The following MALRD1 variants were observed in gnomAD, a reference collection of about 807,000 sequenced individuals.
The protein encoded by MALRD1 is MAM and LDL-receptor class A domain-containing protein 1.
A neutral mutation model predicts 242.1 loss-of-function variants in MALRD1; 247 were observed. The observed-to-expected ratio is 1.02, with a 90% CI of 0.92 to 1.13. The LOEUF (loss-of-function observed/expected upper bound fraction) is 1.13, where lower values mean the gene tolerates loss of function less well. Among genes scored for constraint, MALRD1 ranks in the 50% most tolerant of loss-of-function variants. The pLI is 0.00. For missense variants in MALRD1, 2,989 were observed against 2,533.1 expected, an observed-to-expected ratio of 1.18 and a Z score of -3.86; for synonymous variants, 995 against 866.6, an observed-to-expected ratio of 1.15 and a Z score of -2.60.
intron 28 of MALRD1, among the ~76,000 whole-genome samples, chr10:19,410,375 G>A (rs1833226902): frequency 6.6e-6 from 1 of 152,072 alleles, no homozygotes; most frequent in African/African-American, 2.4e-5. Context: ...CGGTCTTCAT[G>A]AACCTCAAGT....
intron 18 of MALRD1, among the ~76,000 whole-genome samples, chr10:19,217,881 G>T (rs953359971): frequency 1.3e-5 from 2 of 152,110 alleles, no homozygotes; most frequent in Admixed American, 1.3e-4. Flanking sequence ...TGAATGCAGG[G>T]ACTATTTCCT....
chr10:19,714,654 G>C (rs568527686), intron 38 of MALRD1, among the ~76,000 whole-genome samples: 3 of 152,210 alleles, frequency 2.0e-5, no homozygotes, highest in Non-Finnish European at 2.9e-5. Context: ...CCCCCTCCCC[G>C]TATCAATGTG....
intron 8 of MALRD1, among the ~76,000 whole-genome samples, chr10:19,130,564 A>C (rs902575701): frequency 6.6e-6 from 1 of 152,176 alleles, no homozygotes; most frequent in Non-Finnish European, 1.5e-5. Flanking sequence ...TTGTATTATA[A>C]TATGGTCTAA....
chr10:19,603,575 T>C (rs908577330), intron 34 of MALRD1, among the ~76,000 whole-genome samples: 5 of 152,164 alleles, frequency 3.3e-5, no homozygotes, highest in Non-Finnish European at 5.9e-5. Context: ...GTACCAGTAC[T>C]ATGCTGTTTT....
intron 18 of MALRD1, among the ~76,000 whole-genome samples, chr10:19,225,231 A>G (rs1405998652): frequency 1.3e-5 from 2 of 152,188 alleles, no homozygotes; most frequent in African/African-American, 2.4e-5. Flanking sequence ...AAGGTTGAGA[A>G]TATTTACTGA....
chr10:19,316,785 T>C (rs1454394735), intron 21 of MALRD1, among the ~76,000 whole-genome samples: 3 of 151,686 alleles, frequency 2.0e-5, no homozygotes, highest in Admixed American at 6.6e-5. Flanking sequence ...AAGGGTAGTA[T>C]GGGGAGCAAG....
At chr10:19,280,257 C>G in intron 20 of MALRD1, 34 bp downstream of exon 20, 1 of 1,409,112 alleles carries the variant, frequency 7.1e-7, no homozygotes, top group Non-Finnish European at 9.3e-7. Flanking sequence ...TTAAATACTG[C>G]TACAAAATAG....
In MALRD1 at chr10:19,352,256, A is replaced by G. The variant is rs1248405878; in HGVS notation, c.4400A>G (p.His1467Arg). The change falls in exon 26 of 40, where the codon CAT (histidine) becomes CGT (arginine). Residue 1467 changes from histidine (H) to arginine (R), a missense_variant. Coordinates refer to ENST00000454679, the MANE Select transcript of MALRD1 (RefSeq NM_001142308.3). The stretch of plus-strand genomic sequence containing the variant: ...CTTACAGAAAATTGTCTATCACTCC[A>G]TGATTCCGTGCAAGAAGAACTGGCA... ...IVLTENCLSL[H>R]DSVQEELAVP... 11 of 1,550,250 alleles carry G rather than the reference A, an allele frequency of 7.1e-6. No homozygotes were observed. Among genetic ancestry groups the G allele is most frequent in the African/African-American group, 1.4e-5 (1 of 73,024 alleles).
chr10:19,421,531 T>G (rs1833719265), intron 28 of MALRD1, among the ~76,000 whole-genome samples: 1 of 152,170 alleles, frequency 6.6e-6, no homozygotes, highest in African/African-American at 2.4e-5. Flanking sequence ...CCCTAGATAA[T>G]TATGCCCCAG....
At chr10:19,124,236 T>A (rs1482991084) in intron 6 of MALRD1, among the ~76,000 whole-genome samples, 1 of 151,946 alleles carries the variant, frequency 6.6e-6, no homozygotes, top group Admixed American at 6.6e-5. Flanking sequence ...TAAAACATAT[T>A]GTGACTGAAG....
intron 18 of MALRD1, among the ~76,000 whole-genome samples, chr10:19,220,994 C>A (rs1837532480): frequency 1.3e-5 from 2 of 152,174 alleles, no homozygotes; most frequent in Admixed American, 6.5e-5. Flanking sequence ...GATCTCTCAA[C>A]TCCAGAGAAC....
intron 24 of MALRD1, 42 bp downstream of exon 24, chr10:19,331,624 C>A: frequency 6.9e-7 from 1 of 1,459,332 alleles, no homozygotes. Context: ...GCCTTCAACT[C>A]CCACAGCCTT....
At chr10:19,387,312 T>TC (rs1177522592) in intron 26 of MALRD1, among the ~76,000 whole-genome samples, 1 of 151,698 alleles carries the variant, frequency 6.6e-6, no homozygotes, top group African/African-American at 2.4e-5. Flanking sequence ...TTTTTTTTTT[T>TC]TAGCATTTGT....
chr10:19,395,379 C>T (rs1193371808), intron 28 of MALRD1, among the ~76,000 whole-genome samples: 1 of 152,076 alleles, frequency 6.6e-6, no homozygotes, highest in East Asian at 1.9e-4. Flanking sequence ...TGGTTTGTTC[C>T]AGAAAGGTGG....
intron 2 of MALRD1, among the ~76,000 whole-genome samples, chr10:19,067,380 C>A (rs1017919326): frequency 6.6e-6 from 1 of 152,046 alleles, no homozygotes; most frequent in African/African-American, 2.4e-5. Flanking sequence ...TTCAACATTG[C>A]GTACCGGGTG....
intron 32 of MALRD1, among the ~76,000 whole-genome samples, chr10:19,534,562 GA>G (rs1220725125): frequency 2.0e-5 from 3 of 152,022 alleles, no homozygotes; most frequent in Admixed American, 6.6e-5. Flanking sequence ...AATATAATCT[GA>G]ACTTGTGGTG....
intron 1 of MALRD1, among the ~76,000 whole-genome samples, chr10:19,063,821 A>G (rs1250575026): frequency 6.6e-6 from 1 of 151,880 alleles, no homozygotes; most frequent in African/African-American, 2.4e-5. Context: ...GAGGGATAGC[A>G]TTAGGAGATA....
intron 36 of MALRD1, among the ~76,000 whole-genome samples, chr10:19,658,875 T>A (rs758694900): frequency 3.5e-4 from 54 of 152,190 alleles, no homozygotes; most frequent in Non-Finnish European, 7.2e-4. Context: ...CTGCTTGAAT[T>A]TTCCTAGAAG....
intron 7 of MALRD1, among the ~76,000 whole-genome samples, chr10:19,124,935 CTTTTT>C (rs1173453764): frequency 7.7e-3 from 406 of 52,448 alleles, no homozygotes; most frequent in Middle Eastern, 0.023. Flanking sequence ...TATTAAAAGG[CTTTTT>C]TTTTTTTTTT....
Sources: gnomAD v4.1 joint callset for allele counts (sites outside exome capture counted in the v4.1 genomes callset) on GRCh38, gnomAD v4.1.1 for gene constraint, MANE v1.5 for transcripts, NCBI Gene and HGNC (gene_info 2026-07-23, HGNC 2026-07-21) for gene names.